Variants in TANGO6 observed in about 807,000 individuals in gnomAD.
TANGO6 encodes the protein transport and golgi organization 6 homolog, also known as transport and Golgi organization protein 6 homolog.
TANGO6 carries 90 observed loss-of-function variants against 114.2 expected under a neutral mutation model. The observed-to-expected ratio is 0.79, with a 90% CI of 0.66 to 0.94. The LOEUF is 0.94. TANGO6 is among the 40% of genes least tolerant of loss of function. The pLI, the probability that TANGO6 is intolerant of heterozygous loss-of-function variation, is 0.00. For missense variants in TANGO6, 1,274 were observed against 1,315.3 expected (o/e 0.97, Z 0.49); for synonymous variants, 477 against 509.8 (o/e 0.94, Z 0.87).
intron 17 of TANGO6, among the ~76,000 whole-genome samples, chr16:69,064,404 G>A (rs761361928): frequency 1.3e-5 from 2 of 152,130 alleles, no homozygotes; most frequent in Non-Finnish European, 2.9e-5. Context: ...TGTGATCAGA[G>A]CAAGCCTGAG....
intron 17 of TANGO6, among the ~76,000 whole-genome samples, chr16:69,080,612 G>A (rs943813657): frequency 3.9e-5 from 6 of 152,168 alleles, no homozygotes; most frequent in Non-Finnish European, 5.9e-5. Flanking sequence ...TAAACACTTA[G>A]AAAATGTCTT....
chr16:68,999,820 A>G (rs1964023581), intron 15 of TANGO6, among the ~76,000 whole-genome samples: 1 of 152,232 alleles, frequency 6.6e-6, no homozygotes, highest in Non-Finnish European at 1.5e-5. Flanking sequence ...CAATCTATGC[A>G]ATTAATTCCT....
intron 13 of TANGO6, among the ~76,000 whole-genome samples, chr16:68,929,608 G>A (rs1188738974): frequency 1.3e-5 from 2 of 152,122 alleles, no homozygotes; most frequent in Non-Finnish European, 2.9e-5. Flanking sequence ...CTCTCATGTT[G>A]GGGCCTAAAC....
chr16:69,049,655 C>A (rs764654645), intron 17 of TANGO6, among the ~76,000 whole-genome samples: 4 of 152,018 alleles, frequency 2.6e-5, no homozygotes, highest in Non-Finnish European at 4.4e-5. Context: ...TGGTCTTGAA[C>A]TCCTGACTTA....
rs1020093574 is a variant in TANGO6, at chr16:68,993,788, G to A, written c.2842+19620G>A. ...TTACAGAATTGTAAAGACAGTCTCC[G>A]TCATTTAAAATATCTAGGATTTTTT... On this transcript the variant is annotated intron_variant, in intron 15 of 17. Coordinates refer to ENST00000261778, the MANE Select transcript of TANGO6 (RefSeq NM_024562.2). Among the ~76,000 whole-genome samples, 82 of 152,282 alleles carry A rather than the reference G, an allele frequency of 5.4e-4. 1 individual carries two copies. Among genetic ancestry groups the A allele is most frequent in the African/African-American group, 1.6e-3 (67 of 41,558 alleles).
At chr16:68,863,147 A>C (rs1962126323) in intron 3 of TANGO6, 86 bp downstream of exon 3, 3 of 787,378 alleles carry the variant, frequency 3.8e-6, no homozygotes, top group Non-Finnish European at 5.9e-6. Flanking sequence ...AAATAACTTT[A>C]GTTCCCTGTT....
rs1366152153 is a variant in TANGO6 at position 68,860,088 on chromosome 16, T to A, written c.299T>A (p.Leu100Ter). 6.2e-7 allele frequency: 1 copy of A among 1,614,010 alleles called. No homozygotes were observed. Among genetic ancestry groups the A allele is most frequent in the Admixed American group, 1.7e-5 (1 of 60,004 alleles). ...VTWSFTSQTLLLLLCLKETMI... is the reference protein window; with the variant it reads ...VTWSFTSQTL ...TGGAGTTTTACCTCTCAAACCTTGT[T>A]GTTGCTTTTGTGCTTGAAGGAAACC... Residue 100 changes from leucine to a stop codon, truncating the protein, a stop_gained, in exon 2 of 18, where the codon TTG (leucine) becomes TAG (stop). Transcript: ENST00000261778. LOFTEE classifies it high-confidence loss of function.
intron 17 of TANGO6, among the ~76,000 whole-genome samples, chr16:69,050,779 C>T (rs1344740982): frequency 1.3e-5 from 2 of 151,928 alleles, no homozygotes; most frequent in Admixed American, 6.6e-5. Context: ...TGAGCCACCG[C>T]GCCCGGCCCT....
intron 14 of TANGO6, among the ~76,000 whole-genome samples, chr16:68,969,915 G>T (rs1287130270): frequency 6.6e-6 from 1 of 152,124 alleles, no homozygotes; most frequent in Admixed American, 6.6e-5. Context: ...CTCCCTCTGT[G>T]TTGGTGTCAT....
intron 12 of TANGO6, among the ~76,000 whole-genome samples, chr16:68,924,068 T>C (rs1163180881): frequency 2.0e-5 from 3 of 152,214 alleles, no homozygotes; most frequent in Admixed American, 6.5e-5. Context: ...ATCCTTCAAC[T>C]GCTTGTATGC....
intron 15 of TANGO6, among the ~76,000 whole-genome samples, chr16:68,974,411 C>T (rs546383739): frequency 6.6e-6 from 1 of 152,260 alleles, no homozygotes; most frequent in African/African-American, 2.4e-5. Context: ...CCTGTAATCC[C>T]AGCACTTTGG....
chr16:68,950,904 C>T (rs1035425418), intron 14 of TANGO6, among the ~76,000 whole-genome samples: 3 of 151,806 alleles, frequency 2.0e-5, no homozygotes, highest in Non-Finnish European at 4.4e-5. Flanking sequence ...GTTAAAAACT[C>T]AGAACAGTAC....
intron 1 of TANGO6, among the ~76,000 whole-genome samples, chr16:68,855,452 T>C (rs1665746923): frequency 6.6e-6 from 1 of 150,802 alleles, no homozygotes; most frequent in African/African-American, 2.4e-5. Flanking sequence ...TGTGGTGGCA[T>C]GCGCCTGTAG....
intron 17 of TANGO6, among the ~76,000 whole-genome samples, chr16:69,057,491 G>A (rs1425146625): frequency 6.6e-6 from 1 of 152,052 alleles, no homozygotes; most frequent in Admixed American, 6.6e-5. Flanking sequence ...AGACTAAGAC[G>A]AAGAAGCTAA....
chr16:69,002,558 A>G (rs1465768501), intron 15 of TANGO6, among the ~76,000 whole-genome samples: 1 of 152,064 alleles, frequency 6.6e-6, no homozygotes, highest in Non-Finnish European at 1.5e-5. Context: ...GCCTGCTGTC[A>G]TGTAAGACAT....
chr16:68,989,587 A>C (rs1204263771), intron 15 of TANGO6, among the ~76,000 whole-genome samples: 1 of 152,192 alleles, frequency 6.6e-6, no homozygotes, highest in Non-Finnish European at 1.5e-5. Context: ...TAACTAAAAT[A>C]TCTGGGTCAT....
At chr16:69,002,542 C>T (rs1249728498) in intron 15 of TANGO6, among the ~76,000 whole-genome samples, 1 of 152,144 alleles carries the variant, frequency 6.6e-6, no homozygotes, top group African/African-American at 2.4e-5. Context: ...TGCTTGCTCT[C>T]TCTTTGCCTG....
chr16:68,853,554 T>C (rs1478328061), intron 1 of TANGO6, among the ~76,000 whole-genome samples: 2 of 152,218 alleles, frequency 1.3e-5, no homozygotes, highest in Non-Finnish European at 2.9e-5. Context: ...CTATGTGGGC[T>C]GTTTCCAGTT....
At chr16:69,019,129 G>A (rs1204090650) in intron 15 of TANGO6, among the ~76,000 whole-genome samples, 1 of 152,070 alleles carries the variant, frequency 6.6e-6, no homozygotes, top group East Asian at 1.9e-4. Context: ...GTATACCATG[G>A]TTATTTAACC....
Sources: allele counts gnomAD v4.1 joint callset (sites outside exome capture counted in the v4.1 genomes callset), GRCh38; gene constraint gnomAD v4.1.1; transcripts MANE v1.5; gene names NCBI Gene and HGNC (gene_info 2026-07-23, HGNC 2026-07-21).